The following SGCE variants were observed in gnomAD, a reference collection of about 807,000 sequenced individuals.
SGCE encodes the protein sarcoglycan epsilon.
In SGCE, 26 loss-of-function variants were observed where a neutral mutation model predicts 57.8. That is an observed-to-expected ratio of 0.45 (90% CI 0.33 to 0.62). SGCE has a LOEUF of 0.62. Among genes scored for constraint, SGCE ranks in the 20% least tolerant of loss-of-function variants. The pLI is 0.02. For missense variants in SGCE, 468 were observed against 548.6 expected (o/e 0.85, Z 1.47); for synonymous variants, 183 against 189.5 (o/e 0.97, Z 0.28).
rs187258796 is a variant in SGCE, at chr7:94,626,897, G to T, written c.390+1305C>A. The T allele has an allele frequency of 1.3e-3, 194 of 152,030 alleles. 1 individual carries two copies. The highest frequency in any genetic ancestry group is 4.6e-3 in the African/African-American group (189 of 41,532). The allele number at this position is 152,030 out of a possible 1,614,324, so 9.4% of individuals were successfully genotyped here. A position where few individuals can be genotyped will look rare whatever the true frequency, so the allele number is the denominator to read the frequency against. ...GCCAAGAGCTATTTTTTCTTATCAA[G>T]AATAGGTAGTAAATTTTAATAAACA... On this transcript the variant is annotated intron_variant, in intron 3 of 10. Coordinates refer to ENST00000648936, the MANE Select transcript of SGCE (RefSeq NM_003919.3).
At chr7:94,601,245 C>G (rs1317773175) in intron 6 of SGCE, among the ~76,000 whole-genome samples, 1 of 151,324 alleles carries the variant, frequency 6.6e-6, no homozygotes, top group Non-Finnish European at 1.5e-5. Context: ...TTTACCAAAC[C>G]TAAAACTGGC....
In SGCE at chr7:94,655,973, G is replaced by A; in HGVS notation, c.109+17C>T. 2 of 1,529,736 alleles carry A rather than the reference G, an allele frequency of 1.3e-6. No individual in the cohort carries two copies. The highest frequency in any genetic ancestry group is 1.8e-6 in the Non-Finnish European group (2 of 1,104,196). The allele number at this position is 1,529,736 out of a possible 1,614,324, so 94.8% of individuals were successfully genotyped here. Reference sequence around the variant, plus strand: ...CTGTTGGCCCCGGGACCTCCACGTCGCGCGCAGGCCACTAACCTGTCAGCA... The same window carrying A: ...CTGTTGGCCCCGGGACCTCCACGTCACGCGCAGGCCACTAACCTGTCAGCA... On this transcript the variant is annotated intron_variant, in intron 1 of 10. Transcript: ENST00000648936.
At chr7:94,598,331 AAAC>A (rs1798711734) in intron 9 of SGCE, 1 of 187,986 alleles carries the variant, frequency 5.3e-6, no homozygotes, top group African/African-American at 2.4e-5. Flanking sequence ...AGATCATAAA[AAAC>A]AACCCAAACA....
At chr7:94,586,452 A>G (rs995807605) in intron 10 of SGCE, 3 of 152,188 alleles carry the variant, frequency 2.0e-5, no homozygotes, top group Admixed American at 2.0e-4. Context: ...TAAACTGCCC[A>G]TCAGCCCTTC....
chr7:94,635,068 T>A (rs1264022352), intron 1 of SGCE, among the ~76,000 whole-genome samples: 2 of 152,210 alleles, frequency 1.3e-5, no homozygotes, highest in African/African-American at 4.8e-5. Context: ...ATATAATTAA[T>A]AAGTAACTTA....
At chr7:94,652,967 C>T (rs2117112513) in intron 1 of SGCE, among the ~76,000 whole-genome samples, 1 of 152,194 alleles carries the variant, frequency 6.6e-6, no homozygotes, top group South Asian at 2.1e-4. Context: ...AATATATTTT[C>T]TCTATATTAG....
rs991557646 is a variant in SGCE at position 94,623,342 on chromosome 7, T to G, written c.446A>C (p.Asn149Thr). 4 of 1,597,928 alleles carry G rather than the reference T, an allele frequency of 2.5e-6. No individual in the cohort carries two copies. The highest frequency in any genetic ancestry group is 1.7e-5 in the Admixed American group (1 of 59,704). Residue 149 changes from asparagine (N) to threonine (T), a missense_variant, in exon 4 of 11, where the codon AAT becomes ACT. Coordinates refer to ENST00000648936, the MANE Select transcript of SGCE (RefSeq NM_003919.3). ...ATACCTACCTTCTGCAGACATTATA[T>G]TAATTATCAAATTATGCCTTGCAGT... is the stretch of plus-strand genomic sequence containing the variant. ...FETARHNLIINIMSAEDFPLP... is the reference protein window; with the variant it reads ...FETARHNLIITIMSAEDFPLP...
intron 5 of SGCE, among the ~76,000 whole-genome samples, chr7:94,614,107 C>CAAAAAA (rs925650428): frequency 2.8e-4 from 27 of 94,878 alleles, no homozygotes; most frequent in South Asian, 3.9e-4. Context: ...AAATTGAAAT[C>CAAAAAA]AAAAAAAAAA....
chr7:94,605,910 C>T (rs1800060152), intron 5 of SGCE, among the ~76,000 whole-genome samples: 1 of 151,962 alleles, frequency 6.6e-6, no homozygotes, highest in South Asian at 2.1e-4. Flanking sequence ...CTCACTGCAA[C>T]CTCTGCCTCC....
chr7:94,651,197 G>GGTATGGAATCCAT (rs1304707003), intron 1 of SGCE, among the ~76,000 whole-genome samples: 2 of 152,108 alleles, frequency 1.3e-5, no homozygotes, highest in African/African-American at 4.8e-5. Context: ...GAATTATGAT[G>GGTATGGAATCCAT]CATTTACTAC....
Position 94,618,794 on chromosome 7 carries a change from C to G in SGCE, c.626G>C (p.Gly209Ala), listed in dbSNP as rs1443570519. The change falls in exon 5 of 11, where the codon GGC (glycine) becomes GCC (alanine). Residue 209 changes from glycine (G) to alanine (A), a missense_variant. Coordinates refer to ENST00000648936, the MANE Select transcript of SGCE (RefSeq NM_003919.3). ...INITSALDRG[G>A]RVPLPINDLK... ...GTCATTAATGGGAAGTGGCACCCTG[C>G]CACCCCTGTCTAGGGCCGATGTGAT... is the stretch of plus-strand genomic sequence containing the variant. The G allele has an allele frequency of 1.2e-6, 2 of 1,614,010 alleles. No homozygotes were observed. Among genetic ancestry groups the G allele is most frequent in the Non-Finnish European group, 1.7e-6 (2 of 1,179,928 alleles).
At chr7:94,619,660 A>G (rs1802477435) in intron 4 of SGCE, 1 of 152,134 alleles carries the variant, frequency 6.6e-6, no homozygotes, top group Non-Finnish European at 1.5e-5. Flanking sequence ...TGTTTATTTA[A>G]TAATATTTCT....
intron 3 of SGCE, chr7:94,624,527 C>T: frequency 3.6e-6 from 1 of 280,740 alleles, no homozygotes; most frequent in Middle Eastern, 1.1e-3. Flanking sequence ...TTAATTATTT[C>T]CTTGCTGTTA....
intron 8 of SGCE, chr7:94,599,331 G>A (rs537544489): frequency 6.9e-6 from 2 of 290,646 alleles, no homozygotes; most frequent in South Asian, 1.3e-4. Context: ...ACTCACAGAA[G>A]TTTCATTTTA....
chr7:94,595,892 T>C (rs1350356818), intron 9 of SGCE, among the ~76,000 whole-genome samples: 1 of 152,066 alleles, frequency 6.6e-6, no homozygotes, highest in Non-Finnish European at 1.5e-5. Context: ...CACTCAACAC[T>C]GAAACGACAC....
At chr7:94,617,442 A>G (rs1284057533) in intron 5 of SGCE, 1 of 152,214 alleles carries the variant, frequency 6.6e-6, no homozygotes, top group Non-Finnish European at 1.5e-5. Flanking sequence ...ACAATTGTGG[A>G]ACACATTACC....
intron 1 of SGCE, among the ~76,000 whole-genome samples, chr7:94,630,350 C>G (rs1804498583): frequency 6.6e-6 from 1 of 151,666 alleles, no homozygotes; most frequent in African/African-American, 2.4e-5. Context: ...ACATGTAATG[C>G]GGTTTTTACG....
chr7:94,606,638 C>G (rs1197161344), intron 5 of SGCE, among the ~76,000 whole-genome samples: 12 of 152,252 alleles, frequency 7.9e-5, no homozygotes, highest in Non-Finnish European at 1.5e-4. Context: ...TTTTAATAGA[C>G]ACTTAGAGAC....
chr7:94,612,456 A>G (rs1801183558), intron 5 of SGCE, among the ~76,000 whole-genome samples: 1 of 152,176 alleles, frequency 6.6e-6, no homozygotes, highest in Non-Finnish European at 1.5e-5. Context: ...CACTTATTGC[A>G]TCATAAGCAT....
Sources: allele counts gnomAD v4.1 joint callset (sites outside exome capture counted in the v4.1 genomes callset), GRCh38; gene constraint gnomAD v4.1.1; transcripts MANE v1.5; gene names NCBI Gene and HGNC (gene_info 2026-07-23, HGNC 2026-07-21).